Variants in GRIK2 observed in about 807,000 individuals in gnomAD.
GRIK2 encodes glutamate ionotropic receptor kainate type subunit 2.
Under a neutral mutation model 100.3 loss-of-function variants are expected in GRIK2, and 32 were observed. The observed-to-expected ratio is 0.32, with a 90% CI of 0.24 to 0.43. GRIK2 has a LOEUF of 0.43. GRIK2 is among the 20% of genes least tolerant of loss of function. GRIK2 has a pLI of 1.00. For synonymous variants in GRIK2, 417 were observed against 389.4 expected (o/e 1.07, Z -0.83); for missense variants, 843 against 1,114.9 (o/e 0.76, Z 3.47).
At chr6:101,550,794 A>G (rs191232357) in intron 2 of GRIK2, among the ~76,000 whole-genome samples, 19 of 152,308 alleles carry the variant, frequency 1.2e-4, no homozygotes, top group Admixed American at 9.8e-4. Flanking sequence ...GTTTTCCTTT[A>G]TAAGCATTTA....
At chr6:101,849,611 C>A (rs1373794172) in intron 10 of GRIK2, among the ~76,000 whole-genome samples, 2 of 151,884 alleles carry the variant, frequency 1.3e-5, no homozygotes, top group African/African-American at 4.8e-5. Flanking sequence ...TGATTTAATG[C>A]CTTCAGTAAG....
intron 7 of GRIK2, among the ~76,000 whole-genome samples, chr6:101,765,295 C>CATA (rs1763470187): frequency 6.6e-6 from 1 of 152,146 alleles, no homozygotes; most frequent in Non-Finnish European, 1.5e-5. Flanking sequence ...GCAGACCCTA[C>CATA]ATATATCTTG....
intron 14 of GRIK2, among the ~76,000 whole-genome samples, chr6:102,022,660 A>G (rs1257296092): frequency 6.6e-6 from 1 of 151,706 alleles, no homozygotes; most frequent in East Asian, 1.9e-4. Flanking sequence ...AGAAAGATGT[A>G]TTATTGATTT....
intron 7 of GRIK2, among the ~76,000 whole-genome samples, chr6:101,688,887 C>A (rs1771895460): frequency 6.6e-6 from 1 of 151,564 alleles, no homozygotes; most frequent in South Asian, 2.1e-4. Flanking sequence ...ATTTTAAAAT[C>A]CTTTCATCAT....
chr6:101,585,572 A>G (rs1443988386), intron 2 of GRIK2, among the ~76,000 whole-genome samples: 1 of 152,072 alleles, frequency 6.6e-6, no homozygotes, highest in East Asian at 1.9e-4. Context: ...CAGGGTATTC[A>G]TAGAATTGTT....
At chr6:101,650,693 A>AT (rs1489806386) in intron 4 of GRIK2, among the ~76,000 whole-genome samples, 16 of 152,122 alleles carry the variant, frequency 1.1e-4, no homozygotes, top group Admixed American at 9.2e-4. Context: ...TGCCAGCATG[A>AT]TTTTTTCACA....
chr6:102,050,755 A>AG (rs754165848), intron 15 of GRIK2, among the ~76,000 whole-genome samples: 19 of 149,600 alleles, frequency 1.3e-4, no homozygotes, highest in Non-Finnish European at 1.5e-4. Flanking sequence ...AAAAGTAGGG[A>AG]GGGAAAAAAG....
intron 2 of GRIK2, among the ~76,000 whole-genome samples, chr6:101,558,661 C>G (rs1389417248): frequency 1.2e-5 from 1 of 80,832 alleles, no homozygotes; most frequent in African/African-American, 5.3e-5. Context: ...TGTTCCTCCC[C>G]TTTGCTTCTT....
intron 15 of GRIK2, among the ~76,000 whole-genome samples, chr6:102,043,013 A>T (rs973108445): frequency 1.3e-5 from 2 of 151,688 alleles, no homozygotes; most frequent in African/African-American, 4.8e-5. Context: ...TGTCTAATAC[A>T]TATACTCTAT....
Position 101,937,852 on chromosome 6 carries a change from T to C in GRIK2, c.2085+9220T>C, listed in dbSNP as rs144884353. 2.1e-3 allele frequency among the ~76,000 whole-genome samples: 320 copies of C among 152,250 alleles called. 1 individual carries two copies. The highest frequency in any genetic ancestry group is 3.6e-3 in the Non-Finnish European group (242 of 68,004). On this transcript the variant is annotated intron_variant, in intron 14 of 16. Transcript: ENST00000369134. ...CTCATTTCTTAGATAGCCCATTAAT[T>C]ACAAGGTGAATATCCTGAAATTTGT... is the stretch of plus-strand genomic sequence containing the variant.
intron 15 of GRIK2, among the ~76,000 whole-genome samples, chr6:102,048,273 G>A (rs1309993041): frequency 6.6e-6 from 1 of 151,732 alleles, no homozygotes; most frequent in East Asian, 1.9e-4. Context: ...AAAACATAGG[G>A]CAAAAACTAT....
At position 101,924,641 on chromosome 6, in the gene GRIK2, C is replaced by A. The variant is rs767151881; in HGVS notation, c.1789C>A (p.Pro597Thr). 1 of 1,610,722 alleles carries A rather than the reference C, an allele frequency of 6.2e-7. No individual in the cohort carries two copies. The highest frequency in any genetic ancestry group is 1.3e-5 in the African/African-American group (1 of 74,980). The change falls in exon 13 of 17, where the codon CCT (proline) becomes ACT (threonine). Residue 597 changes from proline to threonine, a missense_variant. This residue lies in a region of GRIK2 where 237 missense variants were observed against 388.0 expected (regional missense o/e 0.61). Coordinates refer to ENST00000369134, the MANE Select transcript of GRIK2 (RefSeq NM_021956.5). Reference sequence around the variant, plus strand: ...GTGGTATAATCCACACCCTTGCAACCCTGACTCAGACGTGGTGGAAAACAA... The same window carrying A: ...GTGGTATAATCCACACCCTTGCAACACTGACTCAGACGTGGTGGAAAACAA... ...YEWYNPHPCN[P>T]DSDVVENNFT...
intron 2 of GRIK2, among the ~76,000 whole-genome samples, chr6:101,621,580 A>G (rs1780161676): frequency 6.6e-6 from 1 of 152,172 alleles, no homozygotes; most frequent in Non-Finnish European, 1.5e-5. Flanking sequence ...ACTGTTTACA[A>G]ATTTTGGGGG....
chr6:101,537,533 T>C (rs539383576), intron 2 of GRIK2, among the ~76,000 whole-genome samples: 1 of 151,590 alleles, frequency 6.6e-6, no homozygotes, highest in African/African-American at 2.4e-5. Context: ...AAGCAATGGC[T>C]TTTTTAAGTT....
chr6:101,502,612 TATC>T (rs1773817947), intron 2 of GRIK2, among the ~76,000 whole-genome samples: 1 of 152,290 alleles, frequency 6.6e-6, no homozygotes, highest in African/African-American at 2.4e-5. Flanking sequence ...TCCTGTGTGT[TATC>T]ATAATTACTT....
intron 2 of GRIK2, among the ~76,000 whole-genome samples, chr6:101,407,513 G>A (rs542612797): frequency 5.3e-5 from 8 of 152,104 alleles, no homozygotes; most frequent in African/African-American, 1.9e-4. Flanking sequence ...AAGAAATCTG[G>A]TAGCTCCCCT....
At chr6:101,713,204 A>G (rs777193693) in intron 7 of GRIK2, among the ~76,000 whole-genome samples, 1 of 151,780 alleles carries the variant, frequency 6.6e-6, no homozygotes. Flanking sequence ...TTAAAAAATT[A>G]TACCATTAAT....
intron 4 of GRIK2, among the ~76,000 whole-genome samples, chr6:101,659,770 T>C (rs1044790589): frequency 6.6e-6 from 1 of 152,224 alleles, no homozygotes; most frequent in African/African-American, 2.4e-5. Context: ...ATGAAAATTC[T>C]TTTCTTTAAG....
At chr6:101,992,936 A>T (rs980279178) in intron 14 of GRIK2, among the ~76,000 whole-genome samples, 1 of 151,564 alleles carries the variant, frequency 6.6e-6, no homozygotes, top group Non-Finnish European at 1.5e-5. Context: ...TTTATGTCAC[A>T]GAAGAGCAGT....
Sources: allele counts gnomAD v4.1 joint callset (sites outside exome capture counted in the v4.1 genomes callset), GRCh38; gene constraint gnomAD v4.1.1; regional missense constraint gnomAD v4.1.1; transcripts MANE v1.5; gene names NCBI Gene and HGNC (gene_info 2026-07-23, HGNC 2026-07-21).